CCDC88C: variants seen among roughly 807,000 people sequenced by gnomAD.
The protein encoded by CCDC88C is coiled-coil and HOOK domain protein 88C.
A neutral mutation model predicts 198.8 loss-of-function variants in CCDC88C; 131 were observed. That is an observed-to-expected ratio of 0.66 (90% CI 0.57 to 0.76). The LOEUF is 0.76. Among genes scored for constraint, CCDC88C ranks in the 30% least tolerant of loss-of-function variants. CCDC88C has a pLI of 0.00. For synonymous variants in CCDC88C, 1,166 were observed against 1,114.7 expected, an observed-to-expected ratio of 1.05 and a Z score of -0.92; for missense variants, 2,553 against 2,631.6, an observed-to-expected ratio of 0.97 and a Z score of 0.65.
In CCDC88C at chr14:91,339,810, A is replaced by G; in HGVS notation, c.624+74T>C. The G allele has an allele frequency of 6.9e-6, 10 of 1,454,634 alleles. No individual in the cohort carries two copies. In the South Asian group the frequency reaches 1.1e-4, roughly 16 times the overall value. 90.1% of individuals were successfully genotyped at this position (1,454,634 alleles called of 1,614,324 possible). On this transcript the variant is annotated intron_variant, in intron 7 of 29. Transcript: ENST00000389857. The surrounding 1 kb of genome is among the most constrained non-coding windows in gnomAD (Gnocchi z 5.8). ...CAGCAGGACCGAGGCGTCTAGGCTG[A>G]AGATGAAGGGAGAGGAGATGAAGGG...
intron 3 of CCDC88C, among the ~76,000 whole-genome samples, chr14:91,390,873 A>G (rs766012352): frequency 1.2e-4 from 18 of 152,172 alleles, no homozygotes; most frequent in African/African-American, 3.1e-4. Flanking sequence ...AAGGAAGAAC[A>G]TGGATTCGGT....
Position 91,273,657 on chromosome 14 carries a change from C to T in CCDC88C, c.5059-4G>A, listed in dbSNP as rs571920001. ...CATCCCGGCAACTGGGAGTGTCCTA[C>T]GGAGAAGAGAGTGAAGGTTGGAGGT... On this transcript the variant is annotated splice_region_variant and splice_polypyrimidine_tract_variant and intron_variant, in intron 29 of 29. Transcript: ENST00000389857. This position sits in a 1 kb window ranked among gnomAD's most constrained non-coding sequence, Gnocchi z 5.6. The T allele has an allele frequency of 4.4e-5, 64 of 1,458,572 alleles. No individual in the cohort carries two copies. In the Middle Eastern group the frequency reaches 7.4e-4, roughly 17 times the overall value. The allele number at this position is 1,458,572 out of a possible 1,614,324, so 90.4% of individuals were successfully genotyped here.
At position 91,288,254 on chromosome 14, in the gene CCDC88C, C is replaced by A. The variant is rs951448608; in HGVS notation, c.4441+851G>T. 3.9e-5 allele frequency among the ~76,000 whole-genome samples: 6 copies of A among 152,290 alleles called. No homozygotes were observed. The highest frequency in any genetic ancestry group is 6.8e-3 in the Middle Eastern group (2 of 294). On this transcript the variant is annotated intron_variant, in intron 25 of 29. Transcript: ENST00000389857. This position sits in a 1 kb window ranked among gnomAD's most constrained non-coding sequence, Gnocchi z 4.2. ...AAATACAGCATACATGATGAGAAAT[C>A]CTGTTCTTGTTTCAGAACCTCTGGC...
intron 23 of CCDC88C, among the ~76,000 whole-genome samples, chr14:91,291,515 C>T (rs911443120): frequency 6.6e-6 from 1 of 152,166 alleles, no homozygotes; most frequent in African/African-American, 2.4e-5. Flanking sequence ...AAAAAGTCAG[C>T]TCAGCAAAGT....
chr14:91,294,602 T>C (rs1471016123), intron 22 of CCDC88C, among the ~76,000 whole-genome samples: 2 of 152,192 alleles, frequency 1.3e-5, no homozygotes, highest in Non-Finnish European at 2.9e-5. Flanking sequence ...ACGCAGCAGA[T>C]TTTGAAGGCT....
intron 29 of CCDC88C, among the ~76,000 whole-genome samples, chr14:91,276,944 G>A (rs893654662): frequency 6.6e-6 from 1 of 152,218 alleles, no homozygotes; most frequent in East Asian, 1.9e-4. Context: ...TGTATATCCT[G>A]TGAGAATAGT....
At chr14:91,307,270 C>G in intron 17 of CCDC88C, 44 bp from the exon 18 acceptor site, 1 of 1,591,164 alleles carries the variant, frequency 6.3e-7, no homozygotes, top group Non-Finnish European at 8.6e-7. Flanking sequence ...GCGGAAGCAG[C>G]CTGGCCTGGA....
At chr14:91,355,828 T>A (rs1258103887) in intron 4 of CCDC88C, among the ~76,000 whole-genome samples, 2 of 152,082 alleles carry the variant, frequency 1.3e-5, no homozygotes, top group Non-Finnish European at 2.9e-5. Flanking sequence ...ATGCGTAGAC[T>A]CTCAGGGTCT....
At chr14:91,406,864 C>G (rs192874111) in intron 3 of CCDC88C, among the ~76,000 whole-genome samples, 1 of 152,228 alleles carries the variant, frequency 6.6e-6, no homozygotes, top group Non-Finnish European at 1.5e-5. Context: ...GGCTCCCCTT[C>G]AAATCCCCAG....
chr14:91,293,111 T>C (rs1890742448), intron 23 of CCDC88C, among the ~76,000 whole-genome samples: 2 of 139,650 alleles, frequency 1.4e-5, no homozygotes, highest in Non-Finnish European at 3.1e-5. Flanking sequence ...ACGGCCCACC[T>C]TCCCGTCCTC....
At chr14:91,401,246 T>C (rs1886159126) in intron 3 of CCDC88C, among the ~76,000 whole-genome samples, 1 of 145,782 alleles carries the variant, frequency 6.9e-6, no homozygotes, top group Non-Finnish European at 1.5e-5. Context: ...TTATATATTA[T>C]ATATTATATA....
chr14:91,331,575 C>G (rs984974372), intron 10 of CCDC88C, among the ~76,000 whole-genome samples: 6 of 152,304 alleles, frequency 3.9e-5, no homozygotes, highest in Admixed American at 3.9e-4. Flanking sequence ...GACACACATT[C>G]TAAGAATGAT....
At chr14:91,416,349 A>G (rs933465941) in intron 2 of CCDC88C, among the ~76,000 whole-genome samples, 1 of 152,196 alleles carries the variant, frequency 6.6e-6, no homozygotes, top group Non-Finnish European at 1.5e-5. Context: ...TAACCCTCGG[A>G]TGCCTGGGCC....
At position 91,273,393 on chromosome 14, in the gene CCDC88C, A is replaced by G; in HGVS notation, c.5319T>C (p.Pro1773=). ...GTCTGCCCAGAGACAGGCTCTGGGG[A>G]GGCTGGGCCTGTCTCGGGGCCACGC... is the stretch of plus-strand genomic sequence containing the variant. ...PPSVAPRQAQ[P]PQSLSLGRPR... is the part of the protein sequence containing the mutation. The change falls in exon 30 of 30, where the codon CCT becomes CCC. Residue 1773 remains proline (P), a synonymous_variant. Transcript: ENST00000389857. The surrounding 1 kb of genome is among the most constrained non-coding windows in gnomAD (Gnocchi z 5.6). The G allele has an allele frequency of 6.5e-7, 1 of 1,533,788 alleles. No individual in the cohort carries two copies. The highest frequency in any genetic ancestry group is 1.3e-5 in the South Asian group (1 of 79,906).
At chr14:91,279,374 A>C in intron 27 of CCDC88C, 68 bp from the exon 28 acceptor site, 1 of 1,333,610 alleles carries the variant, frequency 7.5e-7, no homozygotes, top group East Asian at 2.5e-5. Context: ...GAGCCATCTA[A>C]GAAAAACGAT....
At chr14:91,353,591 G>C (rs1478366477) in intron 4 of CCDC88C, among the ~76,000 whole-genome samples, 1 of 152,214 alleles carries the variant, frequency 6.6e-6, no homozygotes, top group Non-Finnish European at 1.5e-5. Flanking sequence ...TCTTTTATTT[G>C]GGGAGGTCAG....
chr14:91,307,347 G>A (rs1891603860), intron 17 of CCDC88C, 121 bp from the exon 18 acceptor site: 2 of 834,442 alleles, frequency 2.4e-6, no homozygotes, highest in Non-Finnish European at 3.9e-6. Context: ...CGCCCGCCCT[G>A]GTCTGTGTAA....
At chr14:91,405,921 A>G (rs1310817950) in intron 3 of CCDC88C, among the ~76,000 whole-genome samples, 2 of 152,238 alleles carry the variant, frequency 1.3e-5, no homozygotes, top group Non-Finnish European at 2.9e-5. Context: ...TACTGTCAGC[A>G]TACACTGACT....
At chr14:91,305,991 A>G in intron 18 of CCDC88C, 65 bp from the exon 19 acceptor site, 3 of 1,549,118 alleles carry the variant, frequency 1.9e-6, no homozygotes, top group Non-Finnish European at 1.8e-6. Flanking sequence ...GGCCACAGGT[A>G]CTTGGGTTGT....
Sources: allele counts gnomAD v4.1 joint callset (sites outside exome capture counted in the v4.1 genomes callset), GRCh38; gene constraint gnomAD v4.1.1; non-coding constraint Gnocchi (gnomAD v3.1); transcripts MANE v1.5; gene names NCBI Gene and HGNC (gene_info 2026-07-23, HGNC 2026-07-21).